LIN28A: variants seen among roughly 807,000 people sequenced by gnomAD.
LIN28A encodes protein lin-28 homolog A.
Under a neutral mutation model 21.1 loss-of-function variants are expected in LIN28A, and 11 were observed. That is an observed-to-expected ratio of 0.52 (90% CI 0.33 to 0.86). The LOEUF (loss-of-function observed/expected upper bound fraction) is 0.86, where lower values mean the gene tolerates loss of function less well. Among genes scored for constraint, LIN28A ranks in the 40% least tolerant of loss-of-function variants. The probability of loss-of-function intolerance (pLI) is 0.03; values close to 1 mark genes in which losing one functional copy is unlikely to be tolerated. For missense variants in LIN28A, 219 were observed against 279.8 expected, an observed-to-expected ratio of 0.78 and a Z score of 1.55; for synonymous variants, 111 against 108.7, an observed-to-expected ratio of 1.02 and a Z score of -0.13.
At chr1:26,426,153 G>A (rs570089005) in intron 3 of LIN28A, 89 bp from the exon 4 acceptor site, 1 of 1,053,114 alleles carries the variant, frequency 9.5e-7, no homozygotes, top group South Asian at 1.4e-5. Context: ...TGACAAACCT[G>A]TACCAGAGCC....
At position 26,425,469 on chromosome 1, in the gene LIN28A, G is replaced by A. The variant is rs369619121; in HGVS notation, c.395G>A (p.Arg132His). 5.0e-5 allele frequency: 80 copies of A among 1,614,030 alleles called. 1 individual carries two copies. Among genetic ancestry groups the A allele is most frequent in the Admixed American group, 2.2e-4 (13 of 60,018 alleles). Residue 132 changes from arginine to histidine, a missense_variant, in exon 3 of 4, where the codon CGC becomes CAC. Physicochemically the swap from Arg to His is conservative, Grantham distance 29. Transcript: ENST00000326279. ...RRPKGKSMQK[R>H]RSKGDRCYNC... ...CCAAAAGGAAAGAGCATGCAGAAGCGCAGATCAAAAGGAGACAGGTATGGA... is the reference window on the plus strand; with the variant it reads ...CCAAAAGGAAAGAGCATGCAGAAGCACAGATCAAAAGGAGACAGGTATGGA...
intron 2 of LIN28A, among the ~76,000 whole-genome samples, chr1:26,415,053 A>G (rs7532866): frequency 0.36 from 54,266 of 152,018 alleles, 9,919 homozygotes; most frequent in African/African-American, 0.4. Context: ...GAAATTTGGA[A>G]ATAAGAAAAG....
chr1:26,410,844 A>C lies in LIN28A; in HGVS notation c.-48A>C, dbSNP rs201666290. ...TTTGCCTTCGGACTTCTCCGGGGCCAGCAGCCGCCCGACCAGGGGCCCGGG... is the reference window on the plus strand; with the variant it reads ...TTTGCCTTCGGACTTCTCCGGGGCCCGCAGCCGCCCGACCAGGGGCCCGGG... On this transcript the variant is annotated 5_prime_UTR_variant, in exon 1 of 4. Coordinates refer to ENST00000326279, the MANE Select transcript of LIN28A (RefSeq NM_024674.6). 6.2e-7 allele frequency: 1 copy of C among 1,606,304 alleles called. No homozygotes were observed. The highest frequency in any genetic ancestry group is 1.3e-5 in the African/African-American group (1 of 74,604).
chr1:26,423,952 C>T (rs1339243669), intron 2 of LIN28A, among the ~76,000 whole-genome samples: 3 of 151,406 alleles, frequency 2.0e-5, no homozygotes, highest in African/African-American at 7.3e-5. Context: ...TTAGTAGAGA[C>T]GGGGTTTCAC....
At chr1:26,413,985 G>A (rs2074978444) in intron 2 of LIN28A, among the ~76,000 whole-genome samples, 2 of 151,668 alleles carry the variant, frequency 1.3e-5, no homozygotes, top group Admixed American at 1.3e-4. Context: ...GTGCCACCAC[G>A]CTCGGCTAAT....
At position 26,425,331 on chromosome 1, in the gene LIN28A, G is replaced by A. The variant is rs1400082443; in HGVS notation, c.257G>A (p.Ser86Asn). The A allele has an allele frequency of 2.5e-6, 4 of 1,613,820 alleles. No homozygotes were observed. Among genetic ancestry groups the A allele is most frequent in the Non-Finnish European group, 3.4e-6 (4 of 1,180,014 alleles). The change falls in exon 3 of 4, where the codon AGC (serine) becomes AAC (asparagine). Residue 86 changes from serine to asparagine, a missense_variant. Around this residue, in one of 3 missense-constraint regions of LIN28A, gnomAD observed 124 missense variants for 193.1 expected, o/e 0.64. Transcript: ENST00000326279. The part of the protein sequence containing the change: ...QSKLHMEGFR[S>N]LKEGEAVEFT... ...AAGCTGCACATGGAAGGGTTCCGGA[G>A]CTTGAAGGAGGGTGAGGCAGTGGAG...
At chr1:26,419,636 T>C (rs2075017141) in intron 2 of LIN28A, among the ~76,000 whole-genome samples, 1 of 152,198 alleles carries the variant, frequency 6.6e-6, no homozygotes, top group African/African-American at 2.4e-5. Context: ...GATTTATGTG[T>C]AGCAGGCGAA....
chr1:26,417,599 C>T (rs2124291304), intron 2 of LIN28A, among the ~76,000 whole-genome samples: 1 of 152,238 alleles, frequency 6.6e-6, no homozygotes, highest in East Asian at 1.9e-4. Context: ...CCTCTTATTG[C>T]GACTTTAACC....
chr1:26,422,477 C>T (rs139234614), intron 2 of LIN28A, among the ~76,000 whole-genome samples: 3 of 142,138 alleles, frequency 2.1e-5, no homozygotes, highest in Admixed American at 1.4e-4. Flanking sequence ...TTGAACTGTT[C>T]AGTTCTTCAG....
At chr1:26,424,617 C>T (rs2075047752) in intron 2 of LIN28A, among the ~76,000 whole-genome samples, 1 of 152,168 alleles carries the variant, frequency 6.6e-6, no homozygotes, top group African/African-American at 2.4e-5. Context: ...GTTGCCCAGG[C>T]TGGAGTGCAA....
chr1:26,424,565 C>T (rs911696969), intron 2 of LIN28A, among the ~76,000 whole-genome samples: 3 of 151,984 alleles, frequency 2.0e-5, no homozygotes, highest in Admixed American at 2.0e-4. Flanking sequence ...GCTATTTTTA[C>T]TTTTATTTTA....
chr1:26,418,370 C>T (rs1348589247), intron 2 of LIN28A, among the ~76,000 whole-genome samples: 1 of 151,804 alleles, frequency 6.6e-6, no homozygotes, highest in Non-Finnish European at 1.5e-5. Flanking sequence ...CGCGGTGAAA[C>T]CCCGTCTCTA....
intron 2 of LIN28A, among the ~76,000 whole-genome samples, chr1:26,422,700 T>C (rs1259615172): frequency 6.6e-6 from 1 of 152,178 alleles, no homozygotes; most frequent in African/African-American, 2.4e-5. Flanking sequence ...CTGCCAGTTT[T>C]CTCCACTGTA....
In LIN28A at chr1:26,411,340, C is replaced by G. The variant is rs541487624; in HGVS notation, c.32-46C>G. ...CTGCCTGGGGCCCGAGACGGCCCTC[C>G]GATTCCGTGCCCCCCAGCTAAGTGC... On this transcript the variant is annotated intron_variant, in intron 1 of 3. Coordinates refer to ENST00000326279, the MANE Select transcript of LIN28A (RefSeq NM_024674.6). This position sits in a 1 kb window ranked among gnomAD's most constrained non-coding sequence, Gnocchi z 5.4. The G allele has an allele frequency of 3.1e-4, 457 of 1,482,012 alleles. No homozygotes were observed. Among genetic ancestry groups the G allele is most frequent in the Non-Finnish European group, 3.6e-4 (405 of 1,120,958 alleles). The allele number at this position is 1,482,012 out of a possible 1,614,324, so 91.8% of individuals were successfully genotyped here. A position where few individuals can be genotyped will look rare whatever the true frequency, so the allele number is the denominator to read the frequency against.
At chr1:26,420,072 C>G (rs2075019740) in intron 2 of LIN28A, among the ~76,000 whole-genome samples, 1 of 152,118 alleles carries the variant, frequency 6.6e-6, no homozygotes, top group African/African-American at 2.4e-5. Context: ...ATCCTTCTAC[C>G]TCAGCCTCCC....
chr1:26,423,417 T>TC (rs1553178060), intron 2 of LIN28A, among the ~76,000 whole-genome samples: 2 of 100,788 alleles, frequency 2.0e-5, no homozygotes, highest in South Asian at 3.5e-4. Context: ...CTTTTTCTTT[T>TC]TTTTTTTTTT....
intron 2 of LIN28A, among the ~76,000 whole-genome samples, chr1:26,424,402 C>T (rs538161038): frequency 2.6e-5 from 4 of 151,764 alleles, no homozygotes; most frequent in Non-Finnish European, 5.9e-5. Flanking sequence ...CCACCACACC[C>T]GGCTAATTTT....
At chr1:26,423,943 T>TA (rs2075043384) in intron 2 of LIN28A, among the ~76,000 whole-genome samples, 1 of 151,934 alleles carries the variant, frequency 6.6e-6, no homozygotes, top group South Asian at 2.1e-4. Context: ...TTTGTATTTT[T>TA]AGTAGAGACG....
chr1:26,418,351 CCTGG>C (rs973959080), intron 2 of LIN28A, among the ~76,000 whole-genome samples: 2 of 152,038 alleles, frequency 1.3e-5, no homozygotes, highest in Non-Finnish European at 2.9e-5. Context: ...TCGAGACCAT[CCTGG>C]CTAACGCGGT....
Sources: gnomAD v4.1 joint callset for allele counts (sites outside exome capture counted in the v4.1 genomes callset) on GRCh38, gnomAD v4.1.1 for gene constraint, gnomAD v4.1.1 regional missense constraint, Gnocchi (gnomAD v3.1) non-coding constraint, MANE v1.5 for transcripts, NCBI Gene and HGNC (gene_info 2026-07-23, HGNC 2026-07-21) for gene names.